The following CALB2 variants were observed in gnomAD, a reference collection of about 807,000 sequenced individuals.
The protein encoded by CALB2 is calretinin.
Under a neutral mutation model 45.9 loss-of-function variants are expected in CALB2, and 34 were observed. The ratio of observed to expected loss-of-function variants is 0.74; its 90% CI spans 0.56 to 0.99. The LOEUF (loss-of-function observed/expected upper bound fraction) is 0.99, where lower values mean the gene tolerates loss of function less well. Ranked by LOEUF, CALB2 falls within the 50% of genes least tolerant of loss-of-function variation. The pLI is 0.00. For missense variants in CALB2, 344 were observed against 339.3 expected (o/e 1.01, Z -0.11); for synonymous variants, 142 against 129.6 (o/e 1.10, Z -0.65).
intron 1 of CALB2, among the ~76,000 whole-genome samples, chr16:71,359,707 T>TGGTGGTCTGACTCAGGCATAAAG (rs758353513): frequency 6.6e-5 from 10 of 152,182 alleles, no homozygotes; most frequent in African/African-American, 1.9e-4. Flanking sequence ...CAAGTGTCTG[T>TGGTGGTCTGACTCAGGCATAAAG]GGTGGTCTGA....
intron 7 of CALB2, 122 bp downstream of exon 7, chr16:71,384,147 G>T: frequency 8.5e-7 from 1 of 1,177,532 alleles, no homozygotes; most frequent in African/African-American, 1.5e-5. Flanking sequence ...TCAAGACAAA[G>T]CAAGATAGAA....
intron 2 of CALB2, among the ~76,000 whole-genome samples, chr16:71,373,765 T>C (rs2042379861): frequency 6.6e-6 from 1 of 152,250 alleles, no homozygotes; most frequent in Admixed American, 6.5e-5. Context: ...CAGGAGCTAC[T>C]GTACAACTTA....
At chr16:71,385,489 G>T (rs2042559872) in intron 9 of CALB2, 88 bp from the exon 10 acceptor site, 3 of 1,130,316 alleles carry the variant, frequency 2.7e-6, no homozygotes, top group Non-Finnish European at 4.0e-6. Context: ...GTAATGGAGA[G>T]GCTAGACTCT....
At position 71,385,665 on chromosome 16, in the gene CALB2, GA is replaced by G. The variant is rs1229166253; in HGVS notation, c.699+18del. 6.2e-6 allele frequency: 10 copies of G among 1,611,560 alleles called. No homozygotes were observed. In the Admixed American group the frequency reaches 8.3e-5, roughly 13 times the overall value. On this transcript the variant is annotated intron_variant, in intron 10 of 10. Coordinates refer to ENST00000302628, the MANE Select transcript of CALB2 (RefSeq NM_001740.5). ...AACAAAAAGGTGAGCAGCCAAGCCT[GA>G]GGCCCGGCCACTGTCCCCAGGGCAC...
rs116876785 is a variant in CALB2, at chr16:71,364,028, C to T, written c.94+5142C>T. Among the ~76,000 whole-genome samples, 386 of 152,202 alleles carry T rather than the reference C, an allele frequency of 2.5e-3. 21 individuals carry two copies. In the East Asian group the frequency reaches 0.06, roughly 24 times the overall value. On this transcript the variant is annotated intron_variant, in intron 1 of 10. Coordinates refer to ENST00000302628, the MANE Select transcript of CALB2 (RefSeq NM_001740.5). ...GGTAGGCCCTGGAAAATGTCCCCCA[C>T]CCCTGCCTCTGCTCCCTCCCCCAAC...
rs375788771 is a variant in CALB2, at chr16:71,364,170, G to A, written c.94+5284G>A. Among the ~76,000 whole-genome samples the A allele has an allele frequency of 2.5e-4, 38 of 152,298 alleles. No individual in the cohort carries two copies. In the South Asian group the frequency reaches 7.5e-3, roughly 30 times the overall value. ...GCTATGGCTCTGCTTCTCAGACTCT[G>A]ATTGCACCAGCCGGCAGCGGGGAGC... On this transcript the variant is annotated intron_variant, in intron 1 of 10. Coordinates refer to ENST00000302628, the MANE Select transcript of CALB2 (RefSeq NM_001740.5).
chr16:71,374,612 AAT>A, intron 2 of CALB2, 131 bp from the exon 3 acceptor site: 1 of 623,288 alleles, frequency 1.6e-6, no homozygotes, highest in Non-Finnish European at 3.0e-6. Flanking sequence ...AGCTCTGATC[AAT>A]CAGAGCATCA....
chr16:71,364,662 A>G (rs1370487393), intron 1 of CALB2, among the ~76,000 whole-genome samples: 1 of 152,192 alleles, frequency 6.6e-6, no homozygotes, highest in East Asian at 1.9e-4. Context: ...AGGCTGCCAG[A>G]TGTCCACAGG....
chr16:71,377,128 AG>A (rs2042425764), intron 3 of CALB2, among the ~76,000 whole-genome samples: 1 of 152,202 alleles, frequency 6.6e-6, no homozygotes, highest in Non-Finnish European at 1.5e-5. Flanking sequence ...TTACTGCAAG[AG>A]GGTACCTGCA....
At chr16:71,370,117 C>G (rs1360131460) in intron 1 of CALB2, among the ~76,000 whole-genome samples, 1 of 152,208 alleles carries the variant, frequency 6.6e-6, no homozygotes, top group African/African-American at 2.4e-5. Flanking sequence ...TGTCTTTTCC[C>G]TGCAGACAAA....
intron 1 of CALB2, among the ~76,000 whole-genome samples, chr16:71,361,341 G>C (rs113275325): frequency 1.2e-4 from 18 of 152,276 alleles, no homozygotes; most frequent in Non-Finnish European, 2.5e-4. Context: ...CCAGAATTAG[G>C]CTTTGGGCGA....
intron 10 of CALB2, 97 bp from the exon 11 acceptor site, chr16:71,389,652 A>G: frequency 2.4e-6 from 2 of 845,474 alleles, no homozygotes; most frequent in Admixed American, 3.4e-5. Context: ...GAGATGAGAG[A>G]AAGGTGTGGG....
chr16:71,389,872 G>GA lies in CALB2; in HGVS notation c.*8dup. 5 of 1,597,868 alleles carry GA rather than the reference G, an allele frequency of 3.1e-6. No individual in the cohort carries two copies. The highest frequency in any genetic ancestry group is 3.4e-6 in the Non-Finnish European group (4 of 1,166,534). The stretch of plus-strand genomic sequence containing the variant: ...CAGCGAGCCCCCCATGTAAAGTGGG[G>GA]ACGGGGGCTGCTTCTCCACCTCCCC... On this transcript the variant is annotated 3_prime_UTR_variant, in exon 11 of 11. Transcript: ENST00000302628.
rs574030417 is a variant in CALB2, at chr16:71,389,662, G to A, written c.700-87G>A. The A allele has an allele frequency of 2.8e-5, 24 of 868,988 alleles. No homozygotes were observed. In the South Asian group the frequency reaches 3.0e-4, roughly 11 times the overall value. The allele number at this position is 868,988 out of a possible 1,614,324, so 53.8% of individuals were successfully genotyped here. On this transcript the variant is annotated intron_variant, in intron 10 of 10. Coordinates refer to ENST00000302628, the MANE Select transcript of CALB2 (RefSeq NM_001740.5). The stretch of plus-strand genomic sequence containing the variant: ...GGGATGAGATGAGAGAAAGGTGTGG[G>A]TGTTTGTGTTTGTGAATGTGGACGT...
intron 4 of CALB2, 59 bp downstream of exon 4, chr16:71,377,806 A>C: frequency 7.9e-7 from 1 of 1,269,228 alleles, no homozygotes; most frequent in Non-Finnish European, 1.1e-6. Context: ...TCCTGTGTTC[A>C]GAGCCAGGCC....
chr16:71,379,215 T>C (rs1298759409), intron 4 of CALB2, among the ~76,000 whole-genome samples: 1 of 151,918 alleles, frequency 6.6e-6, no homozygotes, highest in Non-Finnish European at 1.5e-5. Context: ...AGGCAGAGGT[T>C]GCAGTGAGCC....
chr16:71,376,519 C>T (rs2042414515), intron 3 of CALB2, among the ~76,000 whole-genome samples: 1 of 152,130 alleles, frequency 6.6e-6, no homozygotes, highest in South Asian at 2.1e-4. Flanking sequence ...CCACATACAT[C>T]CACATACAAC....
chr16:71,389,670 G>A (rs1425359278), intron 10 of CALB2, 79 bp from the exon 11 acceptor site: 4 of 957,944 alleles, frequency 4.2e-6, no homozygotes, highest in Non-Finnish European at 6.8e-6. Flanking sequence ...GGGTGTTTGT[G>A]TTTGTGAATG....
intron 10 of CALB2, among the ~76,000 whole-genome samples, chr16:71,386,990 C>G (rs921116203): frequency 6.6e-6 from 1 of 152,160 alleles, no homozygotes; most frequent in Non-Finnish European, 1.5e-5. Flanking sequence ...TTTCTTGGCA[C>G]TAAATTCTAG....
Sources: gnomAD v4.1 joint callset for allele counts (sites outside exome capture counted in the v4.1 genomes callset) on GRCh38, gnomAD v4.1.1 for gene constraint, MANE v1.5 for transcripts, NCBI Gene and HGNC (gene_info 2026-07-23, HGNC 2026-07-21) for gene names.